Variants in JAK1 observed in about 807,000 individuals in gnomAD.
JAK1 encodes Janus kinase 1.
Under a neutral mutation model 136.6 loss-of-function variants are expected in JAK1, and 16 were observed. That is an observed-to-expected ratio of 0.12 (90% CI 0.08 to 0.18). JAK1 has a LOEUF of 0.18. Ranked by LOEUF, JAK1 falls within the 10% of genes least tolerant of loss-of-function variation. The pLI is 1.00. For synonymous variants in JAK1, 492 were observed against 519.5 expected (o/e 0.95, Z 0.72); for missense variants, 859 against 1,450.1 (o/e 0.59, Z 6.62).
In JAK1 at chr1:64,893,788, A is replaced by T. The variant is rs145779791; in HGVS notation, c.-77-7447T>A. ...CTAACATAGCTCATTTTTTATTAAC[A>T]TGTATTTCCAAAATGTCACAATGTA... On this transcript the variant is annotated intron_variant, in intron 1 of 24. Coordinates refer to ENST00000342505, the MANE Select transcript of JAK1 (RefSeq NM_002227.4). Among the ~76,000 whole-genome samples, 28 of 152,316 alleles carry T rather than the reference A, an allele frequency of 1.8e-4. 1 individual carries two copies. The East Asian group carries it at 3.5e-3, about 19-fold the overall frequency.
intron 2 of JAK1, among the ~76,000 whole-genome samples, chr1:65,006,288 T>C (rs976383435): frequency 5.3e-5 from 8 of 152,216 alleles, no homozygotes; most frequent in Admixed American, 3.3e-4. Context: ...GTATCTGAAT[T>C]TGAAAATATC....
At chr1:64,963,855 T>TG (rs149514594) in intron 1 of JAK1, among the ~76,000 whole-genome samples, 2,036 of 152,220 alleles carry the variant, frequency 0.013, 43 homozygotes, top group African/African-American at 0.047. Flanking sequence ...TTGTTTGGGA[T>TG]GGGGGGCTGT....
At chr1:65,043,432 C>G (rs562741349) in intron 2 of JAK1, among the ~76,000 whole-genome samples, 7 of 152,102 alleles carry the variant, frequency 4.6e-5, no homozygotes, top group African/African-American at 1.2e-4. Flanking sequence ...AAACAAAAAC[C>G]TATACCACAA....
At chr1:64,839,840 T>C in intron 19 of JAK1, 45 bp from the exon 20 acceptor site, 3 of 1,494,744 alleles carry the variant, frequency 2.0e-6, no homozygotes, top group Non-Finnish European at 2.7e-6. Flanking sequence ...AGCCCCATCG[T>C]AGGCCACGGA....
intron 1 of JAK1, among the ~76,000 whole-genome samples, chr1:64,895,149 C>A (rs1489337784): frequency 6.6e-6 from 1 of 152,150 alleles, no homozygotes; most frequent in African/African-American, 2.4e-5. Flanking sequence ...ATCCTAGGAA[C>A]CTATGCTGAC....
chr1:64,922,170 A>C (rs527398237), intron 1 of JAK1, among the ~76,000 whole-genome samples: 10 of 152,048 alleles, frequency 6.6e-5, no homozygotes, highest in South Asian at 2.1e-4. Flanking sequence ...CACAACAACA[A>C]CACTACTAAA....
At chr1:64,860,002 C>G in intron 9 of JAK1, 103 bp downstream of exon 9, 1 of 979,020 alleles carries the variant, frequency 1.0e-6, no homozygotes, top group Non-Finnish European at 1.4e-6. Context: ...AAGTACCAGG[C>G]AGCATGGTCA....
At chr1:64,869,913 T>C (rs1274526079) in intron 5 of JAK1, among the ~76,000 whole-genome samples, 2 of 152,172 alleles carry the variant, frequency 1.3e-5, no homozygotes, top group Non-Finnish European at 2.9e-5. Context: ...CATTCTGGTG[T>C]AGCTCTAGGG....
At chr1:64,850,774 G>A in intron 12 of JAK1, 30 bp downstream of exon 12, 3 of 1,485,920 alleles carry the variant, frequency 2.0e-6, no homozygotes, top group Non-Finnish European at 2.8e-6. Flanking sequence ...CAGGACCACA[G>A]CTGGCCCACA....
chr1:64,867,161 C>T lies in JAK1; in HGVS notation c.695G>A (p.Arg232Lys). The T allele has an allele frequency of 6.2e-7, 1 of 1,610,614 alleles. No individual in the cohort carries two copies. Among genetic ancestry groups the T allele is most frequent in the Non-Finnish European group, 8.5e-7 (1 of 1,177,306 alleles). ...PETLNKSIRQRNLLTRMRINN... is the reference protein window; with the variant it reads ...PETLNKSIRQKNLLTRMRINN... Reference sequence around the variant, plus strand: ...TATCCGCATCCTGGTGAGAAGGTTCCTCTGTCTGATGGACTTATTCAATGT... The same window carrying T: ...TATCCGCATCCTGGTGAGAAGGTTCTTCTGTCTGATGGACTTATTCAATGT... Residue 232 changes from arginine (R) to lysine (K), a missense_variant, in exon 7 of 25, where the codon AGG becomes AAG. By Grantham distance (26) the Arg-to-Lys change is conservative. Transcript: ENST00000342505.
intron 1 of JAK1, among the ~76,000 whole-genome samples, chr1:64,952,206 T>C (rs1357250940): frequency 6.6e-6 from 1 of 152,070 alleles, no homozygotes; most frequent in Non-Finnish European, 1.5e-5. Context: ...AAGCAGAGTG[T>C]AGGTTCATAA....
At chr1:64,919,065 G>A (rs1026920046) in intron 1 of JAK1, among the ~76,000 whole-genome samples, 2 of 151,736 alleles carry the variant, frequency 1.3e-5, no homozygotes, top group African/African-American at 4.9e-5. Flanking sequence ...TGTGCACAAC[G>A]TGCAGGTTTG....
chr1:65,010,563 A>C (rs1276927277), intron 2 of JAK1, among the ~76,000 whole-genome samples: 1 of 152,244 alleles, frequency 6.6e-6, no homozygotes, highest in African/African-American at 2.4e-5. Flanking sequence ...CGTCCAGTTA[A>C]GCTCCTACCA....
chr1:64,835,068 G>C (rs74080739), intron 24 of JAK1, among the ~76,000 whole-genome samples: 3,582 of 150,802 alleles, frequency 0.024, 134 homozygotes, highest in African/African-American at 0.082. Context: ...ATGCTAATAA[G>C]TGGGATAAAC....
At chr1:65,032,817 A>G (rs1647035695) in intron 2 of JAK1, among the ~76,000 whole-genome samples, 1 of 152,158 alleles carries the variant, frequency 6.6e-6, no homozygotes, top group African/African-American at 2.4e-5. Context: ...TGGGGCACCT[A>G]TTAGGTGCTA....
intron 17 of JAK1, 83 bp downstream of exon 17, chr1:64,843,981 G>C: frequency 6.6e-7 from 1 of 1,507,266 alleles, no homozygotes; most frequent in South Asian, 1.2e-5. Flanking sequence ...TTCCCACAGT[G>C]CCAGGCTTCC....
intron 1 of JAK1, among the ~76,000 whole-genome samples, chr1:64,902,679 A>C (rs1404554393): frequency 6.6e-6 from 1 of 151,430 alleles, no homozygotes; most frequent in African/African-American, 2.4e-5. Flanking sequence ...TTAAAGGATA[A>C]AGGTAAGGAC....
In JAK1 at chr1:64,860,218, G is replaced by A. The variant is rs1656200363; in HGVS notation, c.1221C>T (p.Ser407=). Residue 407 remains serine, a synonymous_variant, in exon 9 of 25, where the codon TCC becomes TCT. Transcript: ENST00000342505. ...SSHEEALSFV[S]LVDGYFRLTA... is the part of the protein sequence containing the mutation. ...TGAGCCGGAAGTAGCCATCTACCAG[G>A]GACACAAAGGACAAGGCCTCCTCGT... 1.2e-6 allele frequency: 2 copies of A among 1,610,890 alleles called. No homozygotes were observed. Among genetic ancestry groups the A allele is most frequent in the Admixed American group, 1.7e-5 (1 of 59,876 alleles).
At chr1:64,997,681 T>A (rs1395322981) in intron 2 of JAK1, among the ~76,000 whole-genome samples, 1 of 152,196 alleles carries the variant, frequency 6.6e-6, no homozygotes, top group Non-Finnish European at 1.5e-5. Context: ...TTTATAATGG[T>A]TGCAGAGAAT....
Sources: gnomAD v4.1 joint callset for allele counts (sites outside exome capture counted in the v4.1 genomes callset) on GRCh38, gnomAD v4.1.1 for gene constraint, MANE v1.5 for transcripts, NCBI Gene and HGNC (gene_info 2026-07-23, HGNC 2026-07-21) for gene names.